The following SLC25A21 variants were observed in gnomAD, a reference collection of about 807,000 sequenced individuals.
The protein encoded by SLC25A21 is solute carrier family 25 member 21, also known as mitochondrial 2-oxodicarboxylate carrier.
SLC25A21 carries 47 observed loss-of-function variants against 43.8 expected under a neutral mutation model. That is an observed-to-expected ratio of 1.07 (90% CI 0.85 to 1.37). SLC25A21 has a LOEUF of 1.37. Ranked by LOEUF, SLC25A21 falls within the 40% of genes most tolerant of loss-of-function variation. The pLI is 0.00. For synonymous variants in SLC25A21, 131 were observed against 121.3 expected (o/e 1.08, Z -0.52); for missense variants, 352 against 350.2 (o/e 1.00, Z -0.04).
In SLC25A21 at chr14:36,739,685, G is replaced by GA. The variant is rs34054791; in HGVS notation, c.204-5113dup. On this transcript the variant is annotated intron_variant, in intron 3 of 9. Coordinates refer to ENST00000331299, the MANE Select transcript of SLC25A21 (RefSeq NM_030631.4). ...GAGCAAGACTCTGTCTAAAAAAAAA[G>GA]AAAAAAAAAAAAAAGAGGCACACCA... is the stretch of plus-strand genomic sequence containing the variant. Among the ~76,000 whole-genome samples the GA allele has an allele frequency of 3.9e-3, 535 of 137,736 alleles. 3 individuals carry two copies. Among genetic ancestry groups the GA allele is most frequent in the East Asian group, 0.024 (110 of 4,560 alleles). The allele number at this position is 137,736 out of a possible 152,430, so 90.4% of individuals were successfully genotyped here.
chr14:36,979,332 GT>G (rs1283870965), intron 1 of SLC25A21, among the ~76,000 whole-genome samples: 27 of 119,066 alleles, frequency 2.3e-4, no homozygotes, highest in Admixed American at 6.3e-4. Flanking sequence ...TGTTTTTTTG[GT>G]TTTTTTTTTT....
At chr14:36,856,651 T>C (rs996303143) in intron 2 of SLC25A21, among the ~76,000 whole-genome samples, 33 of 152,252 alleles carry the variant, frequency 2.2e-4, no homozygotes, top group African/African-American at 6.7e-4. Flanking sequence ...GTGTGAGTGA[T>C]GTGTGGAAGC....
At chr14:36,723,228 A>G (rs1357934944) in intron 6 of SLC25A21, among the ~76,000 whole-genome samples, 1 of 152,218 alleles carries the variant, frequency 6.6e-6, no homozygotes, top group African/African-American at 2.4e-5. Flanking sequence ...ATTTTCTACA[A>G]TAGTCACAAT....
chr14:37,066,228 C>T (rs1464523163), intron 1 of SLC25A21, among the ~76,000 whole-genome samples: 1 of 152,138 alleles, frequency 6.6e-6, no homozygotes, highest in Non-Finnish European at 1.5e-5. Flanking sequence ...CATAAGGGAA[C>T]ATCACACAAA....
intron 1 of SLC25A21, among the ~76,000 whole-genome samples, chr14:37,054,891 A>T (rs1961787543): frequency 6.6e-6 from 1 of 152,226 alleles, no homozygotes; most frequent in African/African-American, 2.4e-5. Context: ...CATGAAAAGG[A>T]AAAGAAAGAA....
Position 36,767,029 on chromosome 14 carries a change from A to G in SLC25A21, c.204-32456T>C, listed in dbSNP as rs1180160322. Among the ~76,000 whole-genome samples the G allele has an allele frequency of 5.3e-5, 8 of 152,228 alleles. No individual in the cohort carries two copies. The South Asian group carries it at 8.3e-4, about 16-fold the overall frequency. On this transcript the variant is annotated intron_variant, in intron 3 of 9. Coordinates refer to ENST00000331299, the MANE Select transcript of SLC25A21 (RefSeq NM_030631.4). Reference sequence around the variant, plus strand: ...ACCACCATTATATTGCTATAAGTACAAACAATTATGACATAATATCAGGCT... The same window carrying G: ...ACCACCATTATATTGCTATAAGTACGAACAATTATGACATAATATCAGGCT...
At chr14:37,155,077 T>G (rs1963825293) in intron 1 of SLC25A21, among the ~76,000 whole-genome samples, 1 of 147,282 alleles carries the variant, frequency 6.8e-6, no homozygotes, top group Non-Finnish European at 1.5e-5. Flanking sequence ...AGACAGCTCT[T>G]TTTTTTTTTT....
intron 1 of SLC25A21, among the ~76,000 whole-genome samples, chr14:37,090,692 G>C (rs1272522849): frequency 6.6e-6 from 1 of 152,112 alleles, no homozygotes; most frequent in Non-Finnish European, 1.5e-5. Context: ...CTTAAAAACT[G>C]AGTTCTTTCC....
At chr14:36,759,349 T>A (rs540650654) in intron 3 of SLC25A21, among the ~76,000 whole-genome samples, 4 of 152,246 alleles carry the variant, frequency 2.6e-5, no homozygotes, top group Non-Finnish European at 4.4e-5. Flanking sequence ...AGTTTCCTTC[T>A]GAAAAAAACA....
At chr14:37,020,414 C>CA (rs200047962) in intron 1 of SLC25A21, among the ~76,000 whole-genome samples, 163 of 140,486 alleles carry the variant, frequency 1.2e-3, no homozygotes, top group Admixed American at 2.1e-3. Flanking sequence ...CTAATCATCT[C>CA]AAAAAAAAAC....
chr14:36,717,143 T>C (rs534723567), intron 6 of SLC25A21, among the ~76,000 whole-genome samples: 3 of 152,320 alleles, frequency 2.0e-5, no homozygotes, highest in South Asian at 2.1e-4. Flanking sequence ...AAATCATCCA[T>C]ACTTTTCATT....
intron 1 of SLC25A21, among the ~76,000 whole-genome samples, chr14:37,144,925 GT>G (rs1963635759): frequency 6.3e-5 from 9 of 142,588 alleles, no homozygotes; most frequent in African/African-American, 1.4e-4. Flanking sequence ...AGCCTGGGTG[GT>G]TGTTGTTGTT....
intron 3 of SLC25A21, among the ~76,000 whole-genome samples, chr14:36,742,393 T>C (rs1885308510): frequency 6.6e-6 from 1 of 152,206 alleles, no homozygotes; most frequent in Admixed American, 6.5e-5. Context: ...ACCAGAATTC[T>C]GGTCCTGACA....
chr14:36,961,162 T>TA (rs928499014), intron 1 of SLC25A21, among the ~76,000 whole-genome samples: 1 of 151,832 alleles, frequency 6.6e-6, no homozygotes, highest in African/African-American at 2.4e-5. Context: ...AAGTCTGGGG[T>TA]AAAACTTAGG....
At chr14:36,906,252 A>C (rs562566875) in intron 1 of SLC25A21, among the ~76,000 whole-genome samples, 30 of 152,224 alleles carry the variant, frequency 2.0e-4, no homozygotes, top group Non-Finnish European at 3.5e-4. Context: ...ACTTTTTCTA[A>C]GTTGAAAAGG....
intron 3 of SLC25A21, among the ~76,000 whole-genome samples, chr14:36,784,978 T>C (rs2138386452): frequency 6.6e-6 from 1 of 152,362 alleles, no homozygotes; most frequent in South Asian, 2.1e-4. Flanking sequence ...ATTGTGTGAA[T>C]GTAACCTATC....
chr14:36,804,337 T>A (rs1390218728), intron 3 of SLC25A21, among the ~76,000 whole-genome samples: 1 of 152,178 alleles, frequency 6.6e-6, no homozygotes, highest in Non-Finnish European at 1.5e-5. Context: ...CTAGTACCAC[T>A]CTTTTGTTAT....
In SLC25A21 at chr14:36,978,788, T is replaced by C. The variant is rs534435787; in HGVS notation, c.71-103784A>G. 1.2e-4 allele frequency among the ~76,000 whole-genome samples: 19 copies of C among 152,230 alleles called. No homozygotes were observed. In the East Asian group the frequency reaches 3.7e-3, roughly 29 times the overall value. ...TTAGAAGTTAATGCCCTTTGAAGAGTCAGATGATCTCAGTACCTAAGCCAT... is the reference window on the plus strand; with the variant it reads ...TTAGAAGTTAATGCCCTTTGAAGAGCCAGATGATCTCAGTACCTAAGCCAT... On this transcript the variant is annotated intron_variant, in intron 1 of 9. Coordinates refer to ENST00000331299, the MANE Select transcript of SLC25A21 (RefSeq NM_030631.4).
intron 1 of SLC25A21, among the ~76,000 whole-genome samples, chr14:36,878,652 C>G (rs531172008): frequency 6.6e-6 from 1 of 152,258 alleles, no homozygotes; most frequent in East Asian, 1.9e-4. Flanking sequence ...AAGGCACAAA[C>G]TAAATAATGA....
Sources: gnomAD v4.1 joint callset for allele counts (sites outside exome capture counted in the v4.1 genomes callset) on GRCh38, gnomAD v4.1.1 for gene constraint, MANE v1.5 for transcripts, NCBI Gene and HGNC (gene_info 2026-07-23, HGNC 2026-07-21) for gene names.